The following ORC5 variants were observed in gnomAD, a reference collection of about 807,000 sequenced individuals.
ORC5 encodes origin recognition complex subunit 5.
In ORC5, 39 loss-of-function variants were observed where a neutral mutation model predicts 58.8. The ratio of observed to expected loss-of-function variants is 0.66; its 90% CI spans 0.51 to 0.87. The LOEUF is 0.87. Ranked by LOEUF, ORC5 falls within the 40% of genes least tolerant of loss-of-function variation. The pLI is 0.00. For synonymous variants in ORC5, 218 were observed against 177.6 expected, an observed-to-expected ratio of 1.23 and a Z score of -1.81; for missense variants, 493 against 506.3, an observed-to-expected ratio of 0.97 and a Z score of 0.25.
rs1275314956 is a variant in ORC5 at position 104,161,282 on chromosome 7, T to C, written c.1039-100A>G. 7.9e-6 allele frequency: 5 copies of C among 634,720 alleles called. 1 individual carries two copies. The highest frequency in any genetic ancestry group is 7.6e-5 in the South Asian group (4 of 52,348). 39.3% of individuals were successfully genotyped at this position (634,720 alleles called of 1,614,324 possible). A position where few individuals can be genotyped will look rare whatever the true frequency, so the allele number is the denominator to read the frequency against. ...AGTAACAATGTATTTTTGTTATATA[T>C]AGTTCCCCTAAAAATGCTAACAAAT... is the stretch of plus-strand genomic sequence containing the variant. On this transcript the variant is annotated intron_variant, in intron 11 of 13. Coordinates refer to ENST00000297431, the MANE Select transcript of ORC5 (RefSeq NM_002553.4).
chr7:104,198,605 T>C (rs1305692405), intron 3 of ORC5, among the ~76,000 whole-genome samples: 1 of 152,192 alleles, frequency 6.6e-6, no homozygotes, highest in African/African-American at 2.4e-5. Context: ...AAAGAGATTA[T>C]CTAAAACTGG....
chr7:104,162,872 G>A (rs1166198745), intron 11 of ORC5, among the ~76,000 whole-genome samples: 1 of 152,036 alleles, frequency 6.6e-6, no homozygotes, highest in Non-Finnish European at 1.5e-5. Context: ...TCTCATGAAG[G>A]TTTTATACTA....
intron 13 of ORC5, among the ~76,000 whole-genome samples, chr7:104,128,887 T>C (rs1193607539): frequency 6.6e-6 from 1 of 151,964 alleles, no homozygotes; most frequent in African/African-American, 2.4e-5. Flanking sequence ...CTTAATGTTG[T>C]GTTGCTAATT....
In ORC5 at chr7:104,207,925, A is replaced by G. The variant is rs1237065482; in HGVS notation, c.-21T>C. The G allele has an allele frequency of 6.2e-7, 1 of 1,611,756 alleles. No individual in the cohort carries two copies. The highest frequency in any genetic ancestry group is 1.1e-5 in the South Asian group (1 of 91,032). On this transcript the variant is annotated 5_prime_UTR_variant, in exon 1 of 14. Coordinates refer to ENST00000297431, the MANE Select transcript of ORC5 (RefSeq NM_002553.4). ...GGCATTCTGGCAGGCACCACCGCAG[A>G]GGCCAGTGCAGCCAGCCCACAGGAC...
Sources: gnomAD v4.1 joint callset for allele counts (sites outside exome capture counted in the v4.1 genomes callset) on GRCh38, gnomAD v4.1.1 for gene constraint, MANE v1.5 for transcripts, NCBI Gene and HGNC (gene_info 2026-07-23, HGNC 2026-07-21) for gene names.